Variants in RIMS2 observed in about 807,000 individuals in gnomAD.
The protein encoded by RIMS2 is regulating synaptic membrane exocytosis protein 2.
A neutral mutation model predicts 174.4 loss-of-function variants in RIMS2; 59 were observed. The observed-to-expected ratio is 0.34, with a 90% CI of 0.27 to 0.42. RIMS2 has a LOEUF of 0.42. Ranked by LOEUF, RIMS2 falls within the 10% of genes least tolerant of loss-of-function variation. The pLI is 1.00. For missense variants in RIMS2, 1,620 were observed against 1,666.3 expected, an observed-to-expected ratio of 0.97 and a Z score of 0.48; for synonymous variants, 606 against 572.5, an observed-to-expected ratio of 1.06 and a Z score of -0.84.
intron 1 of RIMS2, among the ~76,000 whole-genome samples, chr8:103,599,805 G>C (rs2094634165): frequency 6.6e-6 from 1 of 151,950 alleles, no homozygotes; most frequent in South Asian, 2.1e-4. Context: ...GGGTACATGA[G>C]ATATTTTGAT....
intron 17 of RIMS2, chr8:103,998,310 G>A: frequency 9.0e-7 from 1 of 1,107,818 alleles, no homozygotes; most frequent in Non-Finnish European, 1.3e-6. Flanking sequence ...GTATTGATAT[G>A]ATATAGTTCA....
At chr8:103,802,674 C>T (rs551851780) in intron 3 of RIMS2, among the ~76,000 whole-genome samples, 28 of 152,104 alleles carry the variant, frequency 1.8e-4, no homozygotes, top group Non-Finnish European at 3.2e-4. Context: ...ATATTTTTCC[C>T]TCTTAGAGCC....
chr8:104,214,940 G>A (rs2138023801), intron 19 of RIMS2, among the ~76,000 whole-genome samples: 1 of 152,264 alleles, frequency 6.6e-6, no homozygotes, highest in Middle Eastern at 3.4e-3. Context: ...TAACATGAAT[G>A]TTTTCCGTGG....
chr8:103,813,949 G>T (rs1263029695), intron 3 of RIMS2, among the ~76,000 whole-genome samples: 1 of 152,090 alleles, frequency 6.6e-6, no homozygotes, highest in East Asian at 1.9e-4. Context: ...ACATGCACTC[G>T]TATGTTCATT....
intron 19 of RIMS2, among the ~76,000 whole-genome samples, chr8:104,118,706 G>A (rs927836858): frequency 6.6e-5 from 10 of 152,018 alleles, no homozygotes; most frequent in Non-Finnish European, 1.5e-4. Flanking sequence ...AGTCACCTCA[G>A]GCTGCTATAA....
At chr8:103,766,253 A>G in exon 3 of RIMS2, 1 of 1,612,964 alleles carries the variant, frequency 6.2e-7, no homozygotes, top group Middle Eastern at 1.7e-4. Context: ...ATTTGTGCCG[A>G]AAACAACAAG....
intron 2 of RIMS2, among the ~76,000 whole-genome samples, chr8:103,761,581 G>A (rs545185261): frequency 1.3e-5 from 2 of 152,242 alleles, no homozygotes; most frequent in Admixed American, 6.5e-5. Flanking sequence ...TTATGAAAGT[G>A]GCACACCCAT....
At chr8:103,513,980 C>T (rs1213530163) in intron 1 of RIMS2, among the ~76,000 whole-genome samples, 1 of 152,104 alleles carries the variant, frequency 6.6e-6, no homozygotes. Context: ...GATTATATAA[C>T]TCTTTTGTTT....
chr8:103,795,880 C>T (rs2098546521), intron 3 of RIMS2, among the ~76,000 whole-genome samples: 1 of 152,102 alleles, frequency 6.6e-6, no homozygotes, highest in Non-Finnish European at 1.5e-5. Flanking sequence ...ATAATCTTAC[C>T]TTGTGTTCCA....
intron 1 of RIMS2, among the ~76,000 whole-genome samples, chr8:103,501,867 G>A (rs1820242499): frequency 6.6e-6 from 1 of 152,188 alleles, no homozygotes; most frequent in Non-Finnish European, 1.5e-5. Context: ...AGGAGTGAAA[G>A]CAGCACCCAG....
intron 1 of RIMS2, among the ~76,000 whole-genome samples, chr8:103,550,183 C>G (rs1847083011): frequency 6.6e-6 from 1 of 152,106 alleles, no homozygotes; most frequent in Non-Finnish European, 1.5e-5. Context: ...GCACTTACTC[C>G]AAAATTGACC....
chr8:103,694,639 C>G (rs937925870), intron 1 of RIMS2, among the ~76,000 whole-genome samples: 5 of 151,984 alleles, frequency 3.3e-5, no homozygotes, highest in African/African-American at 1.2e-4. Context: ...GAGGCTTGGT[C>G]TGCAGATACC....
chr8:103,776,193 A>G (rs1284199762), intron 3 of RIMS2, among the ~76,000 whole-genome samples: 1 of 152,162 alleles, frequency 6.6e-6, no homozygotes, highest in Non-Finnish European at 1.5e-5. Flanking sequence ...CTGAAATATA[A>G]TCAGCAATAA....
intron 19 of RIMS2, among the ~76,000 whole-genome samples, chr8:104,098,612 T>A (rs2097803009): frequency 6.6e-6 from 1 of 152,192 alleles, no homozygotes; most frequent in African/African-American, 2.4e-5. Flanking sequence ...AGAATTGCTC[T>A]TTTTGAGATA....
intron 19 of RIMS2, among the ~76,000 whole-genome samples, chr8:104,129,936 T>G (rs1004529892): frequency 3.3e-5 from 5 of 152,250 alleles, no homozygotes; most frequent in African/African-American, 1.2e-4. Flanking sequence ...TAGGAAGGTT[T>G]ACTTTATCAT....
intron 19 of RIMS2, among the ~76,000 whole-genome samples, chr8:104,072,566 T>C (rs374368745): frequency 1.5e-4 from 23 of 152,148 alleles, no homozygotes; most frequent in African/African-American, 5.1e-4. Context: ...CTCAGACATA[T>C]GAAGCATATG....
At chr8:104,105,484 G>A (rs2098029640) in intron 19 of RIMS2, among the ~76,000 whole-genome samples, 9 of 152,058 alleles carry the variant, frequency 5.9e-5, no homozygotes, top group Admixed American at 5.2e-4. Context: ...CACACTTTCA[G>A]GGTGATCATT....
chr8:104,252,141 CT>C, downstream of RIMS2: 1 of 337,110 alleles, frequency 3.0e-6, no homozygotes, highest in Non-Finnish European at 5.4e-6. Flanking sequence ...TCAATGGCAC[CT>C]TTATATTTTT....
At chr8:104,223,544 C>T in intron 19 of RIMS2, 1 of 1,426,280 alleles carries the variant, frequency 7.0e-7, no homozygotes, top group Non-Finnish European at 9.1e-7. Context: ...TCCCGTGGCA[C>T]CAACCTGGCT....
Sources: allele counts gnomAD v4.1 joint callset (sites outside exome capture counted in the v4.1 genomes callset), GRCh38; gene constraint gnomAD v4.1.1; transcripts MANE v1.5; gene names NCBI Gene and HGNC (gene_info 2026-07-23, HGNC 2026-07-21).